Variants in DYM observed in about 807,000 individuals in gnomAD.
DYM encodes the protein dyggve-Melchior-Clausen syndrome protein.
A neutral mutation model predicts 93.1 loss-of-function variants in DYM; 78 were observed. The ratio of observed to expected loss-of-function variants is 0.84; its 90% CI spans 0.70 to 1.01. DYM has a LOEUF of 1.01. Ranked by LOEUF, DYM falls within the 50% of genes least tolerant of loss-of-function variation. The pLI is 0.00. For synonymous variants in DYM, 321 were observed against 319.7 expected, an observed-to-expected ratio of 1.00 and a Z score of -0.04; for missense variants, 789 against 845.0, an observed-to-expected ratio of 0.93 and a Z score of 0.82.
At chr18:49,313,231 C>T (rs542997849) in intron 8 of DYM, among the ~76,000 whole-genome samples, 27 of 151,726 alleles carry the variant, frequency 1.8e-4, no homozygotes, top group African/African-American at 5.8e-4. Context: ...TTTGGGAGGC[C>T]GAGGCAGGCG....
At chr18:49,066,641 G>A (rs1472229897) in intron 17 of DYM, among the ~76,000 whole-genome samples, 2 of 152,204 alleles carry the variant, frequency 1.3e-5, no homozygotes, top group Admixed American at 1.3e-4. Flanking sequence ...GTGGGAGAGA[G>A]TATGCATATA....
At chr18:49,339,939 TTTTG>T (rs546293424) in intron 6 of DYM, among the ~76,000 whole-genome samples, 2,217 of 151,824 alleles carry the variant, frequency 0.015, 58 homozygotes, top group African/African-American at 0.05. Context: ...TTTTGGGGTT[TTTTG>T]TTTGTTTGTT....
At chr18:49,292,381 C>G (rs1433775990) in intron 8 of DYM, among the ~76,000 whole-genome samples, 2 of 150,880 alleles carry the variant, frequency 1.3e-5, no homozygotes, top group East Asian at 3.9e-4. Flanking sequence ...CACACACACA[C>G]ACACACACAC....
intron 14 of DYM, among the ~76,000 whole-genome samples, chr18:49,200,638 C>T (rs1054835508): frequency 6.6e-6 from 1 of 151,828 alleles, no homozygotes; most frequent in African/African-American, 2.4e-5. Context: ...TTAAGTTCTT[C>T]CCTTAAGATA....
At chr18:49,459,743 T>C (rs2083315612) in intron 1 of DYM, among the ~76,000 whole-genome samples, 1 of 152,142 alleles carries the variant, frequency 6.6e-6, no homozygotes, top group Admixed American at 6.5e-5. Flanking sequence ...TCCAATCAGC[T>C]TTACCACACC....
At position 49,392,994 on chromosome 18, in the gene DYM, CA is replaced by C. The variant is rs756183855; in HGVS notation, c.141-1350del. On this transcript the variant is annotated intron_variant, in intron 2 of 17. Transcript: ENST00000675505. ...TGGGAGACAGAGTCAGACTCCATCT[CA>C]AAAAAAAAAAAAGAAGAAGAAGAAG... 8.9e-4 allele frequency among the ~76,000 whole-genome samples: 55 copies of C among 61,904 alleles called. 1 individual carries two copies. The highest frequency in any genetic ancestry group is 1.2e-3 in the Non-Finnish European group (39 of 32,672). The allele number at this position is 61,904 out of a possible 152,430, so 40.6% of individuals were successfully genotyped here.
chr18:49,258,609 C>G, intron 11 of DYM, 116 bp from the exon 12 acceptor site: 1 of 722,914 alleles, frequency 1.4e-6, no homozygotes, highest in Non-Finnish European at 2.5e-6. Context: ...AGTTAAGCAG[C>G]ACAGACAGAG....
At chr18:49,271,463 A>C (rs576579184) in intron 11 of DYM, among the ~76,000 whole-genome samples, 1 of 152,188 alleles carries the variant, frequency 6.6e-6, no homozygotes, top group Non-Finnish European at 1.5e-5. Context: ...ACTATCTTCC[A>C]TCTTAGGGCG....
intron 8 of DYM, among the ~76,000 whole-genome samples, chr18:49,288,502 G>C (rs552237338): frequency 7.9e-5 from 12 of 152,130 alleles, no homozygotes; most frequent in Non-Finnish European, 1.6e-4. Context: ...ATCTAGGCTG[G>C]GTATAGGGGC....
chr18:49,406,380 G>A (rs902280806), intron 2 of DYM, among the ~76,000 whole-genome samples: 22 of 152,038 alleles, frequency 1.4e-4, no homozygotes, highest in South Asian at 4.2e-4. Context: ...CCCCAAAGTG[G>A]TGAAACCCCG....
At chr18:49,239,531 G>A (rs188723241) in intron 13 of DYM, among the ~76,000 whole-genome samples, 18 of 152,296 alleles carry the variant, frequency 1.2e-4, no homozygotes, top group Admixed American at 2.6e-4. Context: ...TAACATTCAG[G>A]GATAGCTGAG....
At chr18:49,338,619 A>G (rs1166443230) in intron 6 of DYM, among the ~76,000 whole-genome samples, 1 of 152,242 alleles carries the variant, frequency 6.6e-6, no homozygotes, top group Admixed American at 6.5e-5. Context: ...ATATATGGAA[A>G]TAATATACAA....
At chr18:49,298,459 T>C (rs906870178) in intron 8 of DYM, among the ~76,000 whole-genome samples, 2 of 151,786 alleles carry the variant, frequency 1.3e-5, no homozygotes, top group South Asian at 2.1e-4. Flanking sequence ...CGGGCACCTG[T>C]AATCCCAGCT....
chr18:49,433,183 G>A (rs189637966), intron 1 of DYM, among the ~76,000 whole-genome samples: 183 of 152,304 alleles, frequency 1.2e-3, no homozygotes, highest in African/African-American at 4.1e-3. Context: ...GGAGAAGAAA[G>A]CATAGAACTG....
intron 13 of DYM, among the ~76,000 whole-genome samples, chr18:49,244,632 T>C (rs901892953): frequency 3.1e-5 from 4 of 130,196 alleles, no homozygotes; most frequent in Non-Finnish European, 5.1e-5. Context: ...ATAATACTCA[T>C]ATTATTGGAT....
chr18:49,238,355 G>C (rs1338390839), intron 13 of DYM, among the ~76,000 whole-genome samples: 2 of 152,030 alleles, frequency 1.3e-5, no homozygotes, highest in Non-Finnish European at 2.9e-5. Flanking sequence ...ATCATCTTTA[G>C]GCAAATTGGT....
At chr18:49,236,390 G>A (rs1168177070) in intron 13 of DYM, among the ~76,000 whole-genome samples, 2 of 151,932 alleles carry the variant, frequency 1.3e-5, no homozygotes, top group Non-Finnish European at 2.9e-5. Flanking sequence ...TGAGGCAGGA[G>A]AACGGTGTGA....
chr18:49,328,273 T>C (rs923580806), intron 8 of DYM, among the ~76,000 whole-genome samples: 2 of 152,078 alleles, frequency 1.3e-5, no homozygotes, highest in Non-Finnish European at 2.9e-5. Flanking sequence ...AGTGGTATAG[T>C]GGTAAAGCGT....
chr18:49,108,564 T>C (rs1443549817), intron 16 of DYM, among the ~76,000 whole-genome samples: 1 of 152,214 alleles, frequency 6.6e-6, no homozygotes, highest in Non-Finnish European at 1.5e-5. Context: ...CTGATTTCTA[T>C]TCAATAGTTT....
Sources: gnomAD v4.1 joint callset for allele counts (sites outside exome capture counted in the v4.1 genomes callset) on GRCh38, gnomAD v4.1.1 for gene constraint, MANE v1.5 for transcripts, NCBI Gene and HGNC (gene_info 2026-07-23, HGNC 2026-07-21) for gene names.